CORO1C: variants seen among roughly 807,000 people sequenced by gnomAD.
CORO1C encodes coronin-1C.
CORO1C carries 14 observed loss-of-function variants against 51.2 expected under a neutral mutation model. The ratio of observed to expected loss-of-function variants is 0.27; its 90% CI spans 0.18 to 0.43. The LOEUF is 0.43. Among genes scored for constraint, CORO1C ranks in the 20% least tolerant of loss-of-function variants. The probability of loss-of-function intolerance (pLI) is 1.00; values close to 1 mark genes in which losing one functional copy is unlikely to be tolerated. For missense variants in CORO1C, 417 were observed against 607.8 expected (o/e 0.69, Z 3.30); for synonymous variants, 181 against 210.5 (o/e 0.86, Z 1.21).
chr12:108,678,177 A>C (rs529777693), intron 3 of CORO1C, 95 bp downstream of exon 3: 3 of 1,104,830 alleles, frequency 2.7e-6, no homozygotes, highest in Non-Finnish European at 3.7e-6. Context: ...CTGCTTTTCA[A>C]GCCTCTATAC....
At chr12:108,703,456 T>C (rs1218519769) in intron 1 of CORO1C, among the ~76,000 whole-genome samples, 1 of 152,176 alleles carries the variant, frequency 6.6e-6, no homozygotes, top group Admixed American at 6.5e-5. Context: ...GAAAAGAGGC[T>C]ACAAGAGAGC....
intron 2 of CORO1C, among the ~76,000 whole-genome samples, chr12:108,683,064 GCATT>G (rs1376992288): frequency 1.3e-5 from 2 of 152,188 alleles, no homozygotes; most frequent in Admixed American, 1.3e-4. Context: ...GAAAATTAAT[GCATT>G]GAGTTGCTAC....
intron 3 of CORO1C, among the ~76,000 whole-genome samples, chr12:108,665,114 G>A (rs1159234272): frequency 6.6e-6 from 1 of 152,166 alleles, no homozygotes; most frequent in East Asian, 1.9e-4. Context: ...TGGAGTGATG[G>A]GAGACTTTGT....
At chr12:108,650,167 A>G (rs2032576295) in intron 8 of CORO1C, among the ~76,000 whole-genome samples, 1 of 150,114 alleles carries the variant, frequency 6.7e-6, no homozygotes, top group Non-Finnish European at 1.5e-5. Flanking sequence ...AGAGTCCCAG[A>G]TAAACCAAAA....
Position 108,654,332 on chromosome 12 carries a change from T to A in CORO1C, c.829A>T (p.Thr277Ser), listed in dbSNP as rs1221759899. The A allele has an allele frequency of 1.2e-6, 2 of 1,611,808 alleles. No individual in the cohort carries two copies. Among genetic ancestry groups the A allele is most frequent in the East Asian group, 4.5e-5 (2 of 44,888 alleles). ...TTTCCACATAAGTAAATGATGCTGG[T>A]GTCAGGGTCATAGAAAGGCAGCAAC... ...GVLLPFYDPD[T>S]SIIYLCGKGD... The change falls in exon 7 of 11, where the codon ACC becomes TCC. Residue 277 changes from threonine to serine, a missense_variant. Transcript: ENST00000261401.
At chr12:108,718,369 GA>G (rs58845281) in intron 1 of CORO1C, among the ~76,000 whole-genome samples, 65,106 of 132,162 alleles carry the variant, frequency 0.49, 15,218 homozygotes, top group South Asian at 0.7. Context: ...ACTCCGTCTC[GA>G]AAAAAAAAAA....
intron 3 of CORO1C, among the ~76,000 whole-genome samples, chr12:108,665,003 A>C (rs1034755286): frequency 6.6e-6 from 1 of 152,166 alleles, no homozygotes; most frequent in Admixed American, 6.5e-5. Flanking sequence ...TCCAGATGGC[A>C]CCCCAACCAT....
At chr12:108,716,649 T>C (rs1208973416) in intron 1 of CORO1C, among the ~76,000 whole-genome samples, 1 of 152,224 alleles carries the variant, frequency 6.6e-6, no homozygotes, top group African/African-American at 2.4e-5. Context: ...TTTGGTCCTC[T>C]GGTTGTTTGT....
At chr12:108,664,363 T>C (rs1004950279) in intron 3 of CORO1C, among the ~76,000 whole-genome samples, 8 of 152,190 alleles carry the variant, frequency 5.3e-5, no homozygotes, top group Non-Finnish European at 1.2e-4. Context: ...GATGAGTGTT[T>C]AGGGTTCAGC....
chr12:108,720,298 ATTAAG>A (rs965370672), intron 1 of CORO1C, among the ~76,000 whole-genome samples: 6 of 152,340 alleles, frequency 3.9e-5, no homozygotes, highest in Middle Eastern at 6.8e-3. Context: ...CAAGAAATCA[ATTAAG>A]TTAATTTGTG....
rs565520512 is a variant in CORO1C at position 108,677,069 on chromosome 12, G to A, written c.318+1203C>T. Among the ~76,000 whole-genome samples, 10 of 152,248 alleles carry A rather than the reference G, an allele frequency of 6.6e-5. No homozygotes were observed. In the South Asian group the frequency reaches 1.9e-3, roughly 28 times the overall value. ...TAATTAATAAAGCTTTCCAAACAAT[G>A]TTTCAGTCCACAGCCAATAGAGAGG... is the stretch of plus-strand genomic sequence containing the variant. On this transcript the variant is annotated intron_variant, in intron 3 of 10. Coordinates refer to ENST00000261401, the MANE Select transcript of CORO1C (RefSeq NM_014325.4).
At chr12:108,692,425 G>C (rs959381576) in intron 2 of CORO1C, among the ~76,000 whole-genome samples, 4 of 152,234 alleles carry the variant, frequency 2.6e-5, no homozygotes, top group Non-Finnish European at 4.4e-5. Flanking sequence ...AATGGAAATT[G>C]CCTGTCAGCA....
intron 4 of CORO1C, 144 bp downstream of exon 4, chr12:108,661,885 G>C: frequency 1.2e-6 from 1 of 829,648 alleles, no homozygotes; most frequent in South Asian, 1.7e-5. Context: ...TGGGGGAGCA[G>C]TGCACCCCAA....
intron 3 of CORO1C, among the ~76,000 whole-genome samples, chr12:108,664,661 T>C (rs1412440556): frequency 2.6e-5 from 4 of 152,180 alleles, no homozygotes; most frequent in Admixed American, 6.5e-5. Flanking sequence ...GGAAGAGACC[T>C]TGACCCAGGC....
At chr12:108,694,328 G>A (rs2136856457) in intron 2 of CORO1C, among the ~76,000 whole-genome samples, 1 of 148,790 alleles carries the variant, frequency 6.7e-6, no homozygotes, top group African/African-American at 2.5e-5. Context: ...ACAGGTCGCT[G>A]CACATGCAGG....
rs532530729 is a variant in CORO1C, at chr12:108,709,034, C to T, written c.-5-7711G>A. 2.0e-5 allele frequency among the ~76,000 whole-genome samples: 3 copies of T among 152,026 alleles called. No homozygotes were observed. In the East Asian group the frequency reaches 5.8e-4, roughly 29 times the overall value. ...CCTTCCAAACTGCTTGGATTATAGG[C>T]ATTAGCCACCATGCCTGGTGTGTTT... On this transcript the variant is annotated intron_variant, in intron 1 of 10. Coordinates refer to ENST00000261401, the MANE Select transcript of CORO1C (RefSeq NM_014325.4).
intron 3 of CORO1C, among the ~76,000 whole-genome samples, chr12:108,674,682 A>G (rs1032079628): frequency 2.6e-5 from 4 of 152,226 alleles, no homozygotes; most frequent in African/African-American, 9.6e-5. Flanking sequence ...TGGAAGAAGT[A>G]ACTGTAGATA....
At chr12:108,663,261 A>T (rs11114023) in intron 3 of CORO1C, among the ~76,000 whole-genome samples, 37,150 of 152,146 alleles carry the variant, frequency 0.24, 5,665 homozygotes, top group South Asian at 0.38. Context: ...AGACCTTGGA[A>T]AACAGCCTGG....
chr12:108,717,124 G>T (rs569938671), intron 1 of CORO1C, among the ~76,000 whole-genome samples: 76 of 152,224 alleles, frequency 5.0e-4, no homozygotes, highest in Non-Finnish European at 9.4e-4. Flanking sequence ...TCAGAGAAGC[G>T]ACACTTAAGC....
Sources: allele counts gnomAD v4.1 joint callset (sites outside exome capture counted in the v4.1 genomes callset), GRCh38; gene constraint gnomAD v4.1.1; transcripts MANE v1.5; gene names NCBI Gene and HGNC (gene_info 2026-07-23, HGNC 2026-07-21).